VWDE: variants seen among roughly 807,000 people sequenced by gnomAD.
The protein encoded by VWDE is von Willebrand factor D and EGF domains.
Under a neutral mutation model 178.4 loss-of-function variants are expected in VWDE, and 207 were observed. That is an observed-to-expected ratio of 1.16 (90% CI 1.04 to 1.30). The LOEUF is 1.30. Ranked by LOEUF, VWDE falls within the 50% of genes most tolerant of loss-of-function variation. The pLI, the probability that VWDE is intolerant of heterozygous loss-of-function variation, is 0.00. For synonymous variants in VWDE, 738 were observed against 651.4 expected (o/e 1.13, Z -2.02); for missense variants, 2,287 against 1,901.3 (o/e 1.20, Z -3.77).
intron 24 of VWDE, among the ~76,000 whole-genome samples, chr7:12,337,958 ATTTCT>A (rs1781129601): frequency 6.6e-6 from 1 of 152,154 alleles, no homozygotes; most frequent in African/African-American, 2.4e-5. Flanking sequence ...AAATGCAGGC[ATTTCT>A]TTTAAGTAAT....
At chr7:12,362,593 A>C (rs1007249385) in intron 13 of VWDE, among the ~76,000 whole-genome samples, 1 of 152,126 alleles carries the variant, frequency 6.6e-6, no homozygotes, top group Non-Finnish European at 1.5e-5. Flanking sequence ...ATTTAGATTT[A>C]GATTTTTCTT....
chr7:12,341,373 C>A (rs915670337), intron 23 of VWDE, among the ~76,000 whole-genome samples: 3 of 152,152 alleles, frequency 2.0e-5, no homozygotes, highest in African/African-American at 7.2e-5. Context: ...GTGGCTCACG[C>A]TTGTAATCCC....
chr7:12,341,634 T>TG (rs1338299167), intron 23 of VWDE, among the ~76,000 whole-genome samples: 1 of 82,538 alleles, frequency 1.2e-5, no homozygotes, highest in Non-Finnish European at 2.3e-5. Context: ...TCTGTCTAAA[T>TG]GAAAAAAAAA....
intron 27 of VWDE, chr7:12,333,775 AAAC>A (rs1780862917): frequency 5.2e-6 from 2 of 384,230 alleles, no homozygotes; most frequent in Admixed American, 4.4e-5. Flanking sequence ...CCCAAAATTC[AAAC>A]AACACTTTTG....
At chr7:12,377,208 C>T (rs1783577059) in intron 7 of VWDE, among the ~76,000 whole-genome samples, 1 of 152,062 alleles carries the variant, frequency 6.6e-6, no homozygotes, top group South Asian at 2.1e-4. Flanking sequence ...TTTCTTCACT[C>T]TATCCATTGA....
In VWDE at chr7:12,389,149, T is replaced by C; in HGVS notation, c.453A>G (p.Gly151=). ...TACCTTCCGCACAGTAGCCCATACA[T>C]CCCTGAGTTGGTTGTAGTAAGTATA... ...FSVYLLQPTQ[G]CMGYCAEAIS... is the part of the protein sequence containing the mutation. Residue 151 remains glycine (G), a synonymous_variant, in exon 3 of 29, where the codon GGA becomes GGG. Transcript: ENST00000275358. 6.5e-7 allele frequency: 1 copy of C among 1,550,280 alleles called. No homozygotes were observed. The highest frequency in any genetic ancestry group is 8.7e-7 in the Non-Finnish European group (1 of 1,145,334).
rs1396570405 is a variant in VWDE at position 12,357,358 on chromosome 7, C to A, written c.3432G>T (p.Gly1144=). Reference sequence around the variant, plus strand: ...GTAAATCTGTTTTCCACATAAAAAGCCCTGCAGAGGAAACACTTGCCCCTT... The same window carrying A: ...GTAAATCTGTTTTCCACATAAAAAGACCTGCAGAGGAAACACTTGCCCCTT... The part of the protein sequence containing the change: ...GPEGASVSSA[G]LFMWKTDLLT... Residue 1144 remains glycine (G), a synonymous_variant, in exon 17 of 29, where the codon GGG becomes GGT. Coordinates refer to ENST00000275358, the MANE Select transcript of VWDE (RefSeq NM_001135924.3). 1.5e-5 allele frequency: 23 copies of A among 1,551,910 alleles called. No homozygotes were observed. The highest frequency in any genetic ancestry group is 7.3e-5 in the East Asian group (3 of 40,918).
At position 12,393,713 on chromosome 7, in the gene VWDE, A is replaced by G; in HGVS notation, c.124T>C (p.Ser42Pro). Residue 42 changes from serine (S) to proline (P), a missense_variant, in exon 2 of 29, where the codon TCA becomes CCA. Coordinates refer to ENST00000275358, the MANE Select transcript of VWDE (RefSeq NM_001135924.3). Reference protein sequence around the residue: ...RSPYRSVRFDSWHLQQSAVQD... With the variant: ...RSPYRSVRFDPWHLQQSAVQD... ...ACAGCTGACTGCTGGAGGTGCCATG[A>G]GTCAAAACGGACACTTCTATAAGGA... The G allele has an allele frequency of 6.4e-7, 1 of 1,551,278 alleles. No homozygotes were observed. Among genetic ancestry groups the G allele is most frequent in the Non-Finnish European group, 8.7e-7 (1 of 1,146,712 alleles).
At chr7:12,331,259 C>A in intron 28 of VWDE, 62 bp from the exon 29 acceptor site, 1 of 1,431,706 alleles carries the variant, frequency 7.0e-7, no homozygotes, top group South Asian at 1.3e-5. Flanking sequence ...AACCCTTACT[C>A]ATTATTTGTT....
At chr7:12,387,796 T>C (rs1245759467) in intron 3 of VWDE, among the ~76,000 whole-genome samples, 2 of 152,146 alleles carry the variant, frequency 1.3e-5, no homozygotes, top group Admixed American at 6.5e-5. Flanking sequence ...TCTGCTTTGA[T>C]AACACTGTCT....
chr7:12,370,041 A>G lies in VWDE; in HGVS notation c.2265T>C (p.Phe755=). The G allele has an allele frequency of 1.9e-6, 3 of 1,551,528 alleles. No homozygotes were observed. The highest frequency in any genetic ancestry group is 2.6e-6 in the Non-Finnish European group (3 of 1,146,898). ...AAGCAAACAAAGGAGGAAACTCATGAAAGTTCTGCCGTTTCCATCTGTTTT... is the reference window on the plus strand; with the variant it reads ...AAGCAAACAAAGGAGGAAACTCATGGAAGTTCTGCCGTTTCCATCTGTTTT... ...NRQNRWKRQN[F]HEFPPLFAFP... The change falls in exon 12 of 29, where the codon TTT becomes TTC. Residue 755 remains phenylalanine, a synonymous_variant. Coordinates refer to ENST00000275358, the MANE Select transcript of VWDE (RefSeq NM_001135924.3).
Position 12,403,821 on chromosome 7 carries a change from C to A in VWDE, c.-105G>T. 8.0e-7 allele frequency: 1 copy of A among 1,243,918 alleles called. No homozygotes were observed. The highest frequency in any genetic ancestry group is 1.1e-6 in the Non-Finnish European group (1 of 881,784). 77.1% of individuals were successfully genotyped at this position (1,243,918 alleles called of 1,614,324 possible). On this transcript the variant is annotated 5_prime_UTR_variant, in exon 1 of 29. Coordinates refer to ENST00000275358, the MANE Select transcript of VWDE (RefSeq NM_001135924.3). ...TCGGGCCTCCTTTCTTGGATTTTCT[C>A]AGTCTGTTGCTGCTTGGAACAGGGA...
Position 12,372,975 on chromosome 7 carries a change from A to G in VWDE, c.1587+2T>C. ...CTTTCAATGTTAAAGAATCATACAT[A>G]CTGTGACTTTTCTTCCTAAGTAAGA... On this transcript the variant is annotated splice_donor_variant, in intron 10 of 28. Coordinates refer to ENST00000275358, the MANE Select transcript of VWDE (RefSeq NM_001135924.3). LOFTEE classifies it high-confidence loss of function. The G allele has an allele frequency of 6.4e-7, 1 of 1,550,668 alleles. No homozygotes were observed. The highest frequency in any genetic ancestry group is 1.2e-5 in the South Asian group (1 of 83,944).
intron 23 of VWDE, among the ~76,000 whole-genome samples, chr7:12,340,653 A>C (rs1231851179): frequency 6.6e-6 from 1 of 152,232 alleles, no homozygotes; most frequent in Admixed American, 6.5e-5. Flanking sequence ...AAAGCTAGAA[A>C]GGGAGCTGGA....
chr7:12,391,726 A>C (rs1784399137), intron 2 of VWDE, among the ~76,000 whole-genome samples: 1 of 152,226 alleles, frequency 6.6e-6, no homozygotes, highest in African/African-American at 2.4e-5. Context: ...TTAAAATTTC[A>C]ATGTCTTTCC....
intron 13 of VWDE, among the ~76,000 whole-genome samples, chr7:12,366,894 A>G (rs1782888053): frequency 6.6e-6 from 1 of 152,104 alleles, no homozygotes; most frequent in Non-Finnish European, 1.5e-5. Flanking sequence ...GGCCTTTAGA[A>G]AGATAAATAC....
chr7:12,331,060 C>T lies in VWDE; in HGVS notation c.*123G>A. 2.9e-6 allele frequency: 2 copies of T among 690,906 alleles called. No individual in the cohort carries two copies. The highest frequency in any genetic ancestry group is 2.3e-6 in the Non-Finnish European group (1 of 426,414). 42.8% of individuals were successfully genotyped at this position (690,906 alleles called of 1,614,324 possible). A position where few individuals can be genotyped will look rare whatever the true frequency, so the allele number is the denominator to read the frequency against. ...AGATCATTATGTATTTTATTAGTTTCTTCAGTCTTTAAGATATTTTTTGAA... is the reference window on the plus strand; with the variant it reads ...AGATCATTATGTATTTTATTAGTTTTTTCAGTCTTTAAGATATTTTTTGAA... On this transcript the variant is annotated 3_prime_UTR_variant, in exon 29 of 29. Coordinates refer to ENST00000275358, the MANE Select transcript of VWDE (RefSeq NM_001135924.3).
Position 12,380,501 on chromosome 7 carries a change from G to C in VWDE, c.774C>G (p.Leu258=), listed in dbSNP as rs1040515351. 5.2e-6 allele frequency: 8 copies of C among 1,551,452 alleles called. No individual in the cohort carries two copies. The highest frequency in any genetic ancestry group is 7.0e-6 in the Non-Finnish European group (8 of 1,146,970). The change falls in exon 5 of 29, where the codon CTC becomes CTG. Residue 258 remains leucine, a synonymous_variant. Transcript: ENST00000275358. ...TTTAACATACCCTGTCTCCAAGTCT[G>C]AGATTTATGCCATCAAGTTCTAAAA... The part of the protein sequence containing the change: ...FSLLELDGIN[L]RLGDRIFCSA...
rs1562474431 is a variant in VWDE at position 12,351,642 on chromosome 7, T to A, written c.3817A>T (p.Lys1273Ter). ...TGGGCATTTTTATCATCCTCTTCTT[T>A]ATTTACACTTTTATCAGATCTTGTG... ...VLTRSDKSVNKEEDDKNAQGR... is the reference protein window; with the variant it reads ...VLTRSDKSVN Residue 1273 changes from lysine (K) to a stop codon, truncating the protein, a stop_gained, in exon 19 of 29, where the codon AAA (lysine) becomes TAA (stop). Coordinates refer to ENST00000275358, the MANE Select transcript of VWDE (RefSeq NM_001135924.3). LOFTEE classifies it high-confidence loss of function. 2 of 1,550,548 alleles carry A rather than the reference T, an allele frequency of 1.3e-6. No individual in the cohort carries two copies. The highest frequency in any genetic ancestry group is 2.4e-5 in the South Asian group (2 of 83,908).
Sources: gnomAD v4.1 joint callset for allele counts (sites outside exome capture counted in the v4.1 genomes callset) on GRCh38, gnomAD v4.1.1 for gene constraint, MANE v1.5 for transcripts, NCBI Gene and HGNC (gene_info 2026-07-23, HGNC 2026-07-21) for gene names.